The following ZNF609 variants were observed in gnomAD, a reference collection of about 807,000 sequenced individuals.
The protein encoded by ZNF609 is zinc finger protein 609.
A neutral mutation model predicts 109.5 loss-of-function variants in ZNF609; 11 were observed. That is an observed-to-expected ratio of 0.10 (90% CI 0.06 to 0.17). The LOEUF is 0.17. ZNF609 is among the 10% of genes least tolerant of loss of function. The pLI, the probability that ZNF609 is intolerant of heterozygous loss-of-function variation, is 1.00. For synonymous variants in ZNF609, 646 were observed against 662.0 expected (o/e 0.98, Z 0.37); for missense variants, 1,559 against 1,772.4 (o/e 0.88, Z 2.16).
intron 3 of ZNF609, among the ~76,000 whole-genome samples, chr15:64,659,299 C>G (rs952012009): frequency 1.3e-5 from 2 of 152,152 alleles, no homozygotes; most frequent in Admixed American, 1.3e-4. Flanking sequence ...TAGGGAGTTA[C>G]CAAAAATAGT....
chr15:64,472,148 G>C (rs1222190776), intron 1 of ZNF609, among the ~76,000 whole-genome samples: 1 of 151,854 alleles, frequency 6.6e-6, no homozygotes, highest in Non-Finnish European at 1.5e-5. Context: ...CCCAACCTCA[G>C]GTGATCCACC....
At chr15:64,492,093 A>G (rs1893421107) in intron 1 of ZNF609, among the ~76,000 whole-genome samples, 1 of 151,652 alleles carries the variant, frequency 6.6e-6, no homozygotes. Context: ...AGTACAAAAA[A>G]TTAGCCAGGA....
At position 64,674,677 on chromosome 15, in the gene ZNF609, G is replaced by T. The variant is rs778026376; in HGVS notation, c.1823G>T (p.Gly608Val). 5 of 1,614,128 alleles carry T rather than the reference G, an allele frequency of 3.1e-6. No homozygotes were observed. In the Admixed American group the frequency reaches 5.0e-5, roughly 16 times the overall value. Residue 608 changes from glycine (G) to valine (V), a missense_variant, in exon 5 of 10, where the codon GGC (glycine) becomes GTC (valine). By Grantham distance (109) the Gly-to-Val change is moderately radical. Transcript: ENST00000326648. ...DTDLGALSND[G>V]SDDGPSVMDE... ...GACCTTGGGGCCTTATCCAATGATG[G>T]CTCTGATGATGGACCCTCAGTGATG...
chr15:64,595,986 A>G (rs973257878), intron 2 of ZNF609, among the ~76,000 whole-genome samples: 2 of 152,148 alleles, frequency 1.3e-5, no homozygotes, highest in Non-Finnish European at 2.9e-5. Context: ...GTAGCTTAAT[A>G]AATAAATTAT....
chr15:64,549,387 G>T (rs1281944807), intron 2 of ZNF609, among the ~76,000 whole-genome samples: 1 of 152,056 alleles, frequency 6.6e-6, no homozygotes, highest in East Asian at 1.9e-4. Context: ...TAGAAACAGG[G>T]TTTCACCATG....
chr15:64,532,955 T>A (rs1847665366), intron 2 of ZNF609, among the ~76,000 whole-genome samples: 1 of 152,162 alleles, frequency 6.6e-6, no homozygotes, highest in Non-Finnish European at 1.5e-5. Context: ...GGTCCAGAGA[T>A]CCTCTATTTG....
rs369840470 is a variant in ZNF609, at chr15:64,678,207, G to A, written c.3494G>A (p.Arg1165His). 27 of 1,614,114 alleles carry A rather than the reference G, an allele frequency of 1.7e-5. No homozygotes were observed. The highest frequency in any genetic ancestry group is 5.3e-5 in the African/African-American group (4 of 75,030). ...EDERWKEERD[R>H]KLKEERSRSK... Reference sequence around the variant, plus strand: ...GAGCGGTGGAAGGAGGAGCGGGACCGCAAATTGAAGGAGGAAAGGAGTCGG... The same window carrying A: ...GAGCGGTGGAAGGAGGAGCGGGACCACAAATTGAAGGAGGAAAGGAGTCGG... The change falls in exon 6 of 10, where the codon CGC becomes CAC. Residue 1165 changes from arginine to histidine, a missense_variant. Coordinates refer to ENST00000326648, the MANE Select transcript of ZNF609 (RefSeq NM_015042.2).
intron 3 of ZNF609, among the ~76,000 whole-genome samples, chr15:64,659,835 CT>C (rs755818323): frequency 0.1 from 14,393 of 137,096 alleles, 1,113 homozygotes; most frequent in African/African-American, 0.26. Flanking sequence ...TTCTTTCTTT[CT>C]TTTTTTTTTT....
intron 1 of ZNF609, among the ~76,000 whole-genome samples, chr15:64,495,185 A>G (rs1893465679): frequency 6.6e-6 from 1 of 152,240 alleles, no homozygotes; most frequent in Non-Finnish European, 1.5e-5. Flanking sequence ...TCAGCTTTAT[A>G]ACTTACGGTT....
chr15:64,528,123 A>T (rs547955592), intron 2 of ZNF609, among the ~76,000 whole-genome samples: 6 of 150,198 alleles, frequency 4.0e-5, no homozygotes, highest in African/African-American at 1.5e-4. Flanking sequence ...TTTGAGTTGG[A>T]GTCTCGCTCT....
Position 64,684,503 on chromosome 15 carries a change from T to C in ZNF609, c.*2817T>C, listed in dbSNP as rs1455488650. ...TCAACTACTTCCTCATTTTAAGGTA[T>C]GGCAGTTCCCTTCATCCCCTTTTCC... On this transcript the variant is annotated 3_prime_UTR_variant, in exon 10 of 10. Transcript: ENST00000326648. 1.3e-5 allele frequency: 2 copies of C among 152,304 alleles called. No individual in the cohort carries two copies. Among genetic ancestry groups the C allele is most frequent in the African/African-American group, 4.8e-5 (2 of 41,456 alleles). 9.4% of individuals were successfully genotyped at this position (152,304 alleles called of 1,614,324 possible).
intron 2 of ZNF609, among the ~76,000 whole-genome samples, chr15:64,586,366 T>C (rs180941761): frequency 1.3e-5 from 2 of 150,338 alleles, no homozygotes; most frequent in East Asian, 3.9e-4. Context: ...TGATAATGAG[T>C]ATCAGCAACA....
chr15:64,505,468 G>C lies in ZNF609; in HGVS notation c.747+5302G>C, dbSNP rs1893621729. On this transcript the variant is annotated intron_variant, in intron 2 of 9. Coordinates refer to ENST00000326648, the MANE Select transcript of ZNF609 (RefSeq NM_015042.2). ...ATTGTTATCACTTTTCATTCAGTCAGTACATTAATTGAATGCATTTTAGAT... is the reference window on the plus strand; with the variant it reads ...ATTGTTATCACTTTTCATTCAGTCACTACATTAATTGAATGCATTTTAGAT... Among the ~76,000 whole-genome samples, 5 of 152,306 alleles carry C rather than the reference G, an allele frequency of 3.3e-5. 1 individual carries two copies. The South Asian group carries it at 8.3e-4, about 25-fold the overall frequency.
At chr15:64,670,674 T>G (rs1595758971) in intron 4 of ZNF609, among the ~76,000 whole-genome samples, 1 of 143,168 alleles carries the variant, frequency 7.0e-6, no homozygotes, top group Non-Finnish European at 1.5e-5. Flanking sequence ...AGGTCAGGAG[T>G]TCCAGACTAG....
chr15:64,545,705 TCTTA>T (rs1192931739), intron 2 of ZNF609, among the ~76,000 whole-genome samples: 1 of 152,188 alleles, frequency 6.6e-6, no homozygotes, highest in Non-Finnish European at 1.5e-5. Context: ...CAACCACTAA[TCTTA>T]CTTCCATCAT....
chr15:64,477,982 A>G (rs1403804418), intron 1 of ZNF609, among the ~76,000 whole-genome samples: 1 of 152,142 alleles, frequency 6.6e-6, no homozygotes, highest in Admixed American at 6.6e-5. Context: ...GTGGACATCA[A>G]GCTCTCAGCC....
intron 2 of ZNF609, chr15:64,528,745 T>C (rs1429579577): frequency 7.2e-6 from 7 of 972,328 alleles, no homozygotes; most frequent in East Asian, 4.8e-5. Context: ...ACCAGGAAAT[T>C]AGCTTGACAG....
chr15:64,567,132 C>T (rs1261712997), intron 2 of ZNF609, among the ~76,000 whole-genome samples: 1 of 152,114 alleles, frequency 6.6e-6, no homozygotes, highest in South Asian at 2.1e-4. Context: ...ACTTTAAAAG[C>T]AGGCTTTTAT....
chr15:64,558,598 C>G (rs750631366), intron 2 of ZNF609, among the ~76,000 whole-genome samples: 1 of 152,176 alleles, frequency 6.6e-6, no homozygotes, highest in Non-Finnish European at 1.5e-5. Flanking sequence ...CTTTGTGTTG[C>G]CACAGATTCC....
Sources: allele counts gnomAD v4.1 joint callset (sites outside exome capture counted in the v4.1 genomes callset), GRCh38; gene constraint gnomAD v4.1.1; transcripts MANE v1.5; gene names NCBI Gene and HGNC (gene_info 2026-07-23, HGNC 2026-07-21).